Variants in HDGF observed in about 807,000 individuals in gnomAD.
HDGF encodes the protein heparin binding growth factor.
HDGF carries 5 observed loss-of-function variants against 30.0 expected under a neutral mutation model. The ratio of observed to expected loss-of-function variants is 0.17; its 90% CI spans 0.09 to 0.35. The LOEUF (loss-of-function observed/expected upper bound fraction) is 0.35, where lower values mean the gene tolerates loss of function less well. Among genes scored for constraint, HDGF ranks in the 10% least tolerant of loss-of-function variants. The pLI, the probability that HDGF is intolerant of heterozygous loss-of-function variation, is 1.00. For missense variants in HDGF, 214 were observed against 302.8 expected, an observed-to-expected ratio of 0.71 and a Z score of 2.18; for synonymous variants, 133 against 112.7, an observed-to-expected ratio of 1.18 and a Z score of -1.14.
In HDGF at chr1:156,743,771, G is replaced by A. The variant is rs779779010; in HGVS notation, c.597C>T (p.Ser199=). Residue 199 remains serine, a synonymous_variant, in exon 5 of 6, where the codon AGC becomes AGT. Transcript: ENST00000357325. The part of the protein sequence containing the change: ...RPLPMEVEKN[S]TPSEPGSGRG... ...GGCCAGAGCCGGGCTCAGAGGGGGT[G>A]CTATTCTTTTCCACCTCCATAGGAA... 15 of 1,602,446 alleles carry A rather than the reference G, an allele frequency of 9.4e-6. No homozygotes were observed. The South Asian group carries it at 1.1e-4, about 12-fold the overall frequency.
In HDGF at chr1:156,762,029, C is replaced by G. The variant is rs111294775; in HGVS notation, n.137-2810G>C. ...TGGCAATGTGCCTGTAAGGTCCCAG[C>G]TACTCCTGAGGCTGAGGTGGGAGGA... On this transcript the variant is annotated intron_variant and non_coding_transcript_variant, in intron 1 of 7. Coordinates refer to the HDGF transcript ENST00000465180. Among the ~76,000 whole-genome samples the G allele has an allele frequency of 4.3e-3, 654 of 151,546 alleles. 1 individual carries two copies. The highest frequency in any genetic ancestry group is 0.015 in the African/African-American group (627 of 41,244).
rs1473691198 is a variant in HDGF at position 156,751,014 on chromosome 1, G to A, written c.87+329C>T. ...CGACTGGCCCAAAGCCAGACTTCGC[G>A]CTCGAAACCTCTGGGAGTATGGGGG... On this transcript the variant is annotated intron_variant, in intron 1 of 5. Transcript: ENST00000357325. This position sits in a 1 kb window ranked among gnomAD's most constrained non-coding sequence, Gnocchi z 4.7. Among the ~76,000 whole-genome samples, 6 of 151,726 alleles carry A rather than the reference G, an allele frequency of 4.0e-5. No homozygotes were observed. The highest frequency in any genetic ancestry group is 7.4e-5 in the Non-Finnish European group (5 of 67,902).
chr1:156,744,357 G>C lies in HDGF; in HGVS notation c.304-9C>G, dbSNP rs773920407. 2 of 1,613,670 alleles carry C rather than the reference G, an allele frequency of 1.2e-6. No individual in the cohort carries two copies. Among genetic ancestry groups the C allele is most frequent in the South Asian group, 2.2e-5 (2 of 91,086 alleles). ...CTCTTTTTCTGGGAGGACTGCAGCA[G>C]AGACAGCACAGGCTGAGTGGCACCA... On this transcript the variant is annotated splice_polypyrimidine_tract_variant and intron_variant, in intron 3 of 5. Transcript: ENST00000357325.
At position 156,742,474 on chromosome 1, in the gene HDGF, G is replaced by A. The variant is rs1650190094; in HGVS notation, c.*975C>T. On this transcript the variant is annotated 3_prime_UTR_variant, in exon 6 of 6. Coordinates refer to ENST00000357325, the MANE Select transcript of HDGF (RefSeq NM_004494.3). ...AGTGCACCTCAGAAATGGGGGCAAC[G>A]ATGGGGAAGGAGCAGAATGGAGAGC... 1 of 152,666 alleles carries A rather than the reference G, an allele frequency of 6.6e-6. No individual in the cohort carries two copies. Among genetic ancestry groups the A allele is most frequent in the East Asian group, 1.9e-4 (1 of 5,198 alleles). 9.5% of individuals were successfully genotyped at this position (152,666 alleles called of 1,614,324 possible).
At chr1:156,744,073 C>T in intron 4 of HDGF, 90 bp downstream of exon 4, 1 of 1,384,238 alleles carries the variant, frequency 7.2e-7, no homozygotes, top group Non-Finnish European at 1.0e-6. Flanking sequence ...ACCTCTCAGA[C>T]TGGGCACCCC....
chr1:156,755,700 A>C (rs138259728), upstream of HDGF: 1 of 152,184 alleles, frequency 6.6e-6, no homozygotes, highest in Non-Finnish European at 1.5e-5. Flanking sequence ...GTTAGATTAG[A>C]CCAGTGGCTT....
chr1:156,766,010 C>A (rs1479891935), intron 1 of HDGF, among the ~76,000 whole-genome samples: 1 of 152,160 alleles, frequency 6.6e-6, no homozygotes, highest in Non-Finnish European at 1.5e-5. Context: ...CAGGCCCAAC[C>A]CACATCTATT....
upstream of HDGF, chr1:156,752,427 C>G: frequency 2.1e-6 from 3 of 1,431,734 alleles, no homozygotes; most frequent in Non-Finnish European, 2.9e-6. Flanking sequence ...CTAGCTAACC[C>G]CGCAAAGATG....
upstream of HDGF, chr1:156,751,989 G>C: frequency 6.6e-7 from 1 of 1,521,680 alleles, no homozygotes; most frequent in Non-Finnish European, 8.9e-7. The surrounding 1 kb of genome is among the most constrained non-coding windows in gnomAD (Gnocchi z 4.7). Context: ...CTGGCGCCCG[G>C]CTGGACGGAG....
At chr1:156,753,320 G>A (rs1327534272), upstream of HDGF, among the ~76,000 whole-genome samples, 2 of 152,210 alleles carry the variant, frequency 1.3e-5, no homozygotes, top group Non-Finnish European at 2.9e-5. Flanking sequence ...CCACAAGCTT[G>A]TCAATTTGTT....
chr1:156,756,472 T>C (rs1027080930), upstream of HDGF, among the ~76,000 whole-genome samples: 3 of 152,132 alleles, frequency 2.0e-5, no homozygotes, highest in Admixed American at 2.0e-4. Context: ...TAGGATGGAG[T>C]TGGGAGTCAG....
At chr1:156,760,928 G>A (rs1223456105) in intron 1 of HDGF, among the ~76,000 whole-genome samples, 3 of 151,826 alleles carry the variant, frequency 2.0e-5, no homozygotes, top group Admixed American at 6.6e-5. Flanking sequence ...GTGCAGTGGC[G>A]CATGCCTGTA....
chr1:156,743,955 C>A, intron 4 of HDGF, 77 bp from the exon 5 acceptor site: 1 of 1,197,968 alleles, frequency 8.3e-7, no homozygotes, highest in Admixed American at 1.7e-5. Context: ...TCCTCCGGGG[C>A]TCCTTCCCAG....
intron 1 of HDGF, among the ~76,000 whole-genome samples, chr1:156,746,096 C>T (rs1650524480): frequency 1.3e-5 from 2 of 152,238 alleles, no homozygotes; most frequent in African/African-American, 4.8e-5. Context: ...TCCGCCATTA[C>T]TTCCTCCAGA....
At chr1:156,759,318 G>A (rs1271602590) in intron 1 of HDGF, 1 of 152,082 alleles carries the variant, frequency 6.6e-6, no homozygotes, top group Non-Finnish European at 1.5e-5. Context: ...AATATTGTGG[G>A]TATTCTTCCA....
upstream of HDGF, chr1:156,752,428 C>G: frequency 1.4e-6 from 2 of 1,419,520 alleles, no homozygotes; most frequent in Admixed American, 3.9e-5. Context: ...TAGCTAACCC[C>G]GCAAAGATGA....
intron 1 of HDGF, chr1:156,750,595 G>C (rs182626174): frequency 8.5e-5 from 13 of 152,398 alleles, no homozygotes; most frequent in Non-Finnish European, 7.3e-5. Flanking sequence ...CCCCTACTAA[G>C]AGGCAGTCTG....
At chr1:156,755,346 C>T (rs79952124), upstream of HDGF, among the ~76,000 whole-genome samples, 8,627 of 152,060 alleles carry the variant, frequency 0.057, 386 homozygotes, top group African/African-American at 0.12. Context: ...CTGACAGCAG[C>T]GGAGAGATGG....
chr1:156,751,737 T>G (rs1432605162), upstream of HDGF: 2 of 864,014 alleles, frequency 2.3e-6, no homozygotes. This position sits in a 1 kb window ranked among gnomAD's most constrained non-coding sequence, Gnocchi z 4.7. Context: ...CGGTCCCCAC[T>G]CCTCCTCCTC....
Sources: allele counts gnomAD v4.1 joint callset (sites outside exome capture counted in the v4.1 genomes callset), GRCh38; gene constraint gnomAD v4.1.1; non-coding constraint Gnocchi (gnomAD v3.1); transcripts MANE v1.5; gene names NCBI Gene and HGNC (gene_info 2026-07-23, HGNC 2026-07-21).